PDE10A: variants seen among roughly 807,000 people sequenced by gnomAD.
PDE10A encodes phosphodiesterase 10A.
A neutral mutation model predicts 97.7 loss-of-function variants in PDE10A; 39 were observed. The ratio of observed to expected loss-of-function variants is 0.40; its 90% CI spans 0.31 to 0.52. The LOEUF is 0.52. Among genes scored for constraint, PDE10A ranks in the 20% least tolerant of loss-of-function variants. PDE10A has a pLI of 0.56. For synonymous variants in PDE10A, 371 were observed against 376.8 expected (o/e 0.98, Z 0.18); for missense variants, 731 against 1,047.8 (o/e 0.70, Z 4.17).
rs765012199 is a variant in PDE10A, at chr6:165,379,340, A to G, written c.2637T>C (p.Thr879=). ...LQLEGHNIFS[T]LSSSEYEQVL... ...CCTGCTCATATTCACTGGAGCTCAG[A>G]GTGGAGAAGATATTGTGCCCTTCCA... The change falls in exon 18 of 22, where the codon ACT becomes ACC. Residue 879 remains threonine (T), a synonymous_variant. Transcript: ENST00000539869. The G allele has an allele frequency of 1.9e-5, 31 of 1,613,164 alleles. No homozygotes were observed. Among genetic ancestry groups the G allele is most frequent in the Non-Finnish European group, 2.5e-5 (29 of 1,179,724 alleles).
chr6:165,372,781 A>G (rs976906472), intron 18 of PDE10A, among the ~76,000 whole-genome samples: 2 of 140,328 alleles, frequency 1.4e-5, no homozygotes, highest in African/African-American at 5.6e-5. Flanking sequence ...GTCAATCCTA[A>G]GCCAAAAGAA....
intron 1 of PDE10A, among the ~76,000 whole-genome samples, chr6:165,805,730 A>T (rs1280071977): frequency 6.6e-6 from 1 of 152,060 alleles, no homozygotes; most frequent in East Asian, 1.9e-4. Flanking sequence ...GTTCATCAAG[A>T]TGAACTCTCA....
chr6:165,568,614 C>G (rs138841611), intron 1 of PDE10A, among the ~76,000 whole-genome samples: 17 of 152,250 alleles, frequency 1.1e-4, no homozygotes, highest in Middle Eastern at 3.4e-3. Context: ...ATCCCAGTGT[C>G]TGTGTTCAAG....
At chr6:165,832,114 A>ATTTTGTCT (rs1779938282) in intron 1 of PDE10A, among the ~76,000 whole-genome samples, 1 of 152,190 alleles carries the variant, frequency 6.6e-6, no homozygotes, top group Non-Finnish European at 1.5e-5. Flanking sequence ...ACACCCTAGG[A>ATTTTGTCT]AAGTCTCTAG....
intron 1 of PDE10A, among the ~76,000 whole-genome samples, chr6:165,829,551 G>A (rs746266310): frequency 7.2e-5 from 11 of 152,302 alleles, no homozygotes; most frequent in African/African-American, 2.2e-4. Flanking sequence ...ATCAGGAACC[G>A]GGCAGGTGAA....
At chr6:165,937,967 C>T (rs994173087) in intron 1 of PDE10A, among the ~76,000 whole-genome samples, 1 of 152,180 alleles carries the variant, frequency 6.6e-6, no homozygotes, top group Non-Finnish European at 1.5e-5. Context: ...AAAAAAAAAT[C>T]CAGATATCAG....
intron 2 of PDE10A, among the ~76,000 whole-genome samples, chr6:165,535,431 T>TGTAC (rs1448260995): frequency 2.6e-5 from 4 of 151,946 alleles, no homozygotes; most frequent in Non-Finnish European, 4.4e-5. Flanking sequence ...TATGTCCATG[T>TGTAC]GTACATATTA....
At chr6:165,652,785 T>C (rs1449901378) in intron 1 of PDE10A, among the ~76,000 whole-genome samples, 1 of 152,244 alleles carries the variant, frequency 6.6e-6, no homozygotes, top group Non-Finnish European at 1.5e-5. Flanking sequence ...ATTCATCATA[T>C]TCAAACACGT....
At chr6:165,382,753 T>TGAC (rs553630881) in intron 17 of PDE10A, among the ~76,000 whole-genome samples, 196 of 152,078 alleles carry the variant, frequency 1.3e-3, no homozygotes, top group Middle Eastern at 6.8e-3. Flanking sequence ...ATGATGATGA[T>TGAC]GATGATAAAA....
At chr6:165,349,865 G>A (rs1782581782) in intron 18 of PDE10A, among the ~76,000 whole-genome samples, 1 of 152,222 alleles carries the variant, frequency 6.6e-6, no homozygotes, top group Non-Finnish European at 1.5e-5. Context: ...TACATGTGGT[G>A]TTGGGCCTGA....
intron 1 of PDE10A, among the ~76,000 whole-genome samples, chr6:165,829,185 C>A (rs535310619): frequency 6.6e-6 from 1 of 152,186 alleles, no homozygotes; most frequent in Non-Finnish European, 1.5e-5. Flanking sequence ...TGCTCTCCAG[C>A]GCATCAGAGC....
At chr6:165,413,934 C>G (rs993597724) in intron 12 of PDE10A, among the ~76,000 whole-genome samples, 5 of 152,094 alleles carry the variant, frequency 3.3e-5, no homozygotes, top group Non-Finnish European at 5.9e-5. Context: ...AGGATAGTCT[C>G]TAAGAGGCTT....
intron 20 of PDE10A, among the ~76,000 whole-genome samples, chr6:165,337,830 T>G (rs1037831675): frequency 3.9e-5 from 6 of 152,162 alleles, no homozygotes; most frequent in Non-Finnish European, 8.8e-5. Context: ...TGTTAACTAC[T>G]GGGAAGGAAA....
chr6:165,935,316 A>G (rs12215476), intron 1 of PDE10A, among the ~76,000 whole-genome samples: 1 of 152,066 alleles, frequency 6.6e-6, no homozygotes, highest in Non-Finnish European at 1.5e-5. Flanking sequence ...GTGTGTGCAA[A>G]GGCACAGAGA....
At chr6:165,695,071 A>G (rs1040148792) in intron 1 of PDE10A, among the ~76,000 whole-genome samples, 1 of 152,216 alleles carries the variant, frequency 6.6e-6, no homozygotes, top group Non-Finnish European at 1.5e-5. Context: ...AATTTTCTAT[A>G]TAGAGACATA....
At chr6:165,619,074 GTAGTCTAGTGTAGTC>G (rs1460655889) in intron 1 of PDE10A, among the ~76,000 whole-genome samples, 1,720 of 127,036 alleles carry the variant, frequency 0.014, 57 homozygotes, top group African/African-American at 0.071. Context: ...GTAGTGTAGT[GTAGTCTAGTGTAGTC>G]TAGTGTAGTG....
chr6:165,721,062 TTTTCAG>T (rs2128448513), intron 1 of PDE10A, among the ~76,000 whole-genome samples: 1 of 152,296 alleles, frequency 6.6e-6, no homozygotes, highest in East Asian at 1.9e-4. Flanking sequence ...TATTGGACCT[TTTTCAG>T]GGTTAAGGAG....
At chr6:165,730,890 A>C (rs997208074) in intron 1 of PDE10A, among the ~76,000 whole-genome samples, 1 of 150,978 alleles carries the variant, frequency 6.6e-6, no homozygotes, top group Non-Finnish European at 1.5e-5. Context: ...CTAAAAATAC[A>C]AAAAAATTAG....
chr6:165,767,356 GT>G (rs1777881772), intron 1 of PDE10A, among the ~76,000 whole-genome samples: 1 of 152,076 alleles, frequency 6.6e-6, no homozygotes, highest in African/African-American at 2.4e-5. Flanking sequence ...TCTTCACAAG[GT>G]TGTGCAATCA....
Sources: gnomAD v4.1 joint callset for allele counts (sites outside exome capture counted in the v4.1 genomes callset) on GRCh38, gnomAD v4.1.1 for gene constraint, MANE v1.5 for transcripts, NCBI Gene and HGNC (gene_info 2026-07-23, HGNC 2026-07-21) for gene names.